LRBA: variants seen among roughly 807,000 people sequenced by gnomAD.
LRBA encodes the protein lipopolysaccharide-responsive and beige-like anchor protein.
In LRBA, 176 loss-of-function variants were observed where a neutral mutation model predicts 330.0. The observed-to-expected ratio is 0.53, with a 90% CI of 0.47 to 0.60. LRBA has a LOEUF of 0.60. Among genes scored for constraint, LRBA ranks in the 20% least tolerant of loss-of-function variants. LRBA has a pLI of 0.00. For synonymous variants in LRBA, 1,230 were observed against 1,193.0 expected (o/e 1.03, Z -0.64); for missense variants, 3,259 against 3,444.8 (o/e 0.95, Z 1.35).
chr4:150,705,831 C>T lies in LRBA; in HGVS notation c.5755-22114G>A, dbSNP rs578176805. Reference sequence around the variant, plus strand: ...ATATATATATACTTCAGATCAAAGGCTATGTCATACTTAGTAGGGAAACAC... The same window carrying T: ...ATATATATATACTTCAGATCAAAGGTTATGTCATACTTAGTAGGGAAACAC... On this transcript the variant is annotated intron_variant, in intron 36 of 56. Coordinates refer to ENST00000651943, the MANE Select transcript of LRBA (RefSeq NM_001364905.1). Among the ~76,000 whole-genome samples the T allele has an allele frequency of 1.1e-4, 17 of 151,980 alleles. No homozygotes were observed. In the South Asian group the frequency reaches 3.5e-3, roughly 32 times the overall value.
intron 37 of LRBA, among the ~76,000 whole-genome samples, chr4:150,623,314 A>C (rs956454381): frequency 2.0e-5 from 3 of 152,220 alleles, no homozygotes; most frequent in African/African-American, 7.2e-5. Flanking sequence ...AAATGCTCAC[A>C]CATATTCATT....
At chr4:150,809,856 ATACG>A (rs1743372617) in intron 31 of LRBA, among the ~76,000 whole-genome samples, 11 of 4,560 alleles carry the variant, frequency 2.4e-3, no homozygotes, top group Admixed American at 0.014. Flanking sequence ...TTAAAATACG[ATACG>A]ATACGATACG....
chr4:150,370,640 G>A (rs1320634679), intron 47 of LRBA, among the ~76,000 whole-genome samples: 1 of 152,140 alleles, frequency 6.6e-6, no homozygotes, highest in Non-Finnish European at 1.5e-5. Flanking sequence ...ACATAAAAGT[G>A]AACCCTAATA....
intron 2 of LRBA, among the ~76,000 whole-genome samples, chr4:150,949,763 A>C (rs1736628621): frequency 8.8e-5 from 1 of 11,332 alleles, no homozygotes; most frequent in Non-Finnish European, 6.0e-3. Context: ...AGCGGCAAGG[A>C]AACTCGTAAG....
intron 34 of LRBA, among the ~76,000 whole-genome samples, chr4:150,782,166 C>A (rs1738335122): frequency 1.3e-5 from 2 of 152,160 alleles, no homozygotes; most frequent in Admixed American, 1.3e-4. Flanking sequence ...CTCAGCCTCC[C>A]AAAGTGCTGG....
chr4:150,410,673 A>T (rs1295413459), intron 47 of LRBA, among the ~76,000 whole-genome samples: 1 of 152,170 alleles, frequency 6.6e-6, no homozygotes, highest in Non-Finnish European at 1.5e-5. Context: ...CCAAATAGGG[A>T]TATTGTCTCT....
At chr4:150,758,367 T>C (rs1582260020) in intron 35 of LRBA, among the ~76,000 whole-genome samples, 1 of 152,156 alleles carries the variant, frequency 6.6e-6, no homozygotes, top group African/African-American at 2.4e-5. Flanking sequence ...GTATCTCTTC[T>C]TACAAGGCCA....
intron 35 of LRBA, among the ~76,000 whole-genome samples, chr4:150,754,538 A>AC: frequency 6.9e-6 from 1 of 145,414 alleles, no homozygotes; most frequent in African/African-American, 2.4e-5. Flanking sequence ...AAAAAAAAAA[A>AC]AAAAGAGAGA....
chr4:150,965,400 C>G (rs184637115), intron 2 of LRBA, among the ~76,000 whole-genome samples: 3 of 152,284 alleles, frequency 2.0e-5, no homozygotes, highest in Admixed American at 2.0e-4. Context: ...ATGCCACCTT[C>G]TGTACAATGA....
At chr4:150,451,247 A>C (rs533854060) in intron 44 of LRBA, among the ~76,000 whole-genome samples, 4 of 152,324 alleles carry the variant, frequency 2.6e-5, no homozygotes, top group South Asian at 4.1e-4. Context: ...TTAACAACAG[A>C]ATATGCACTC....
chr4:150,439,724 T>C (rs1457371834), intron 44 of LRBA, among the ~76,000 whole-genome samples: 2 of 152,186 alleles, frequency 1.3e-5, no homozygotes, highest in East Asian at 3.8e-4. Context: ...AAGAAGACTG[T>C]GGAACCATCC....
At chr4:150,740,516 T>C (rs1317930410) in intron 35 of LRBA, among the ~76,000 whole-genome samples, 1 of 151,880 alleles carries the variant, frequency 6.6e-6, no homozygotes, top group Non-Finnish European at 1.5e-5. Flanking sequence ...AGATTATATG[T>C]ATAGGTTACT....
chr4:150,547,782 T>A (rs986908178), intron 40 of LRBA, among the ~76,000 whole-genome samples: 19 of 152,160 alleles, frequency 1.2e-4, no homozygotes, highest in Non-Finnish European at 1.6e-4. Flanking sequence ...GTGGCTCTCC[T>A]AAATTCATCA....
At chr4:150,395,948 C>T (rs1438574300) in intron 47 of LRBA, among the ~76,000 whole-genome samples, 1 of 152,124 alleles carries the variant, frequency 6.6e-6, no homozygotes, top group Non-Finnish European at 1.5e-5. Flanking sequence ...AAAAATTTCC[C>T]TCAGCATCTT....
rs552234541 is a variant in LRBA, at chr4:150,509,061, ACTGTT to A, written c.6331-18031_6331-18027del. On this transcript the variant is annotated intron_variant, in intron 40 of 56. Transcript: ENST00000651943. ...TGGTGACTATAGTTAATGGTAATGT[ACTGTT>A]TATTTCAAAATTGCTAAAAGAGATT... 2.3e-4 allele frequency among the ~76,000 whole-genome samples: 35 copies of A among 152,328 alleles called. No homozygotes were observed. In the South Asian group the frequency reaches 6.8e-3, roughly 30 times the overall value.
chr4:150,863,674 C>T (rs900844422), intron 22 of LRBA, among the ~76,000 whole-genome samples: 2 of 152,074 alleles, frequency 1.3e-5, no homozygotes, highest in East Asian at 3.9e-4. Context: ...GCTTACACAG[C>T]TAATAATTAC....
At chr4:150,359,123 C>T (rs1345502010) in intron 47 of LRBA, among the ~76,000 whole-genome samples, 2 of 152,172 alleles carry the variant, frequency 1.3e-5, no homozygotes, top group East Asian at 3.8e-4. Context: ...GCCAGAGAAT[C>T]AAATTACATC....
At chr4:150,820,599 C>T (rs932906732) in intron 30 of LRBA, among the ~76,000 whole-genome samples, 3 of 151,950 alleles carry the variant, frequency 2.0e-5, no homozygotes, top group Admixed American at 6.6e-5. Flanking sequence ...TTTCCAAATT[C>T]GCTGACTGAT....
intron 38 of LRBA, among the ~76,000 whole-genome samples, chr4:150,593,624 C>T (rs1773152357): frequency 6.6e-6 from 1 of 152,094 alleles, no homozygotes; most frequent in Non-Finnish European, 1.5e-5. Flanking sequence ...TTTCATAGTG[C>T]ATTTTAAAAG....
Sources: gnomAD v4.1 joint callset for allele counts (sites outside exome capture counted in the v4.1 genomes callset) on GRCh38, gnomAD v4.1.1 for gene constraint, MANE v1.5 for transcripts, NCBI Gene and HGNC (gene_info 2026-07-23, HGNC 2026-07-21) for gene names.